GPC5: variants seen among roughly 807,000 people sequenced by gnomAD.
GPC5 encodes the protein glypican-5.
A neutral mutation model predicts 53.9 loss-of-function variants in GPC5; 47 were observed. That is an observed-to-expected ratio of 0.87 (90% CI 0.69 to 1.11). The LOEUF is 1.11. Ranked by LOEUF, GPC5 falls within the 50% of genes most tolerant of loss-of-function variation. The probability of loss-of-function intolerance (pLI) is 0.00; values close to 1 mark genes in which losing one functional copy is unlikely to be tolerated. For synonymous variants in GPC5, 286 were observed against 263.3 expected (o/e 1.09, Z -0.84); for missense variants, 748 against 713.1 (o/e 1.05, Z -0.56).
chr13:91,762,112 T>C (rs1250139259), intron 5 of GPC5, among the ~76,000 whole-genome samples: 2 of 152,224 alleles, frequency 1.3e-5, no homozygotes, highest in Admixed American at 6.5e-5. Context: ...TCTTGAATGC[T>C]TCTTTCATAA....
At chr13:91,944,388 G>T (rs2039956766) in intron 6 of GPC5, among the ~76,000 whole-genome samples, 1 of 152,012 alleles carries the variant, frequency 6.6e-6, no homozygotes, top group African/African-American at 2.4e-5. Flanking sequence ...GAGCCACCGC[G>T]CCCGGCCTGT....
chr13:92,158,051 A>G (rs2041958343), intron 7 of GPC5, among the ~76,000 whole-genome samples: 1 of 152,238 alleles, frequency 6.6e-6, no homozygotes, highest in Admixed American at 6.5e-5. Context: ...TTTCTTAAGA[A>G]TATCATCTTA....
intron 7 of GPC5, among the ~76,000 whole-genome samples, chr13:92,466,851 T>C (rs142192759): frequency 1.2e-4 from 18 of 152,196 alleles, no homozygotes; most frequent in African/African-American, 4.1e-4. Flanking sequence ...TGAGTGAATA[T>C]CAAACAATCC....
intron 7 of GPC5, among the ~76,000 whole-genome samples, chr13:92,521,835 C>G (rs542983383): frequency 1.3e-5 from 2 of 152,130 alleles, no homozygotes; most frequent in Admixed American, 6.5e-5. Context: ...TCAGAGTGAA[C>G]AGGCAACTTA....
At chr13:91,574,779 C>G (rs1488174555) in intron 2 of GPC5, among the ~76,000 whole-genome samples, 2 of 152,072 alleles carry the variant, frequency 1.3e-5, no homozygotes, top group Non-Finnish European at 1.5e-5. Context: ...GATTGAGTCT[C>G]TGGTGATTAA....
intron 7 of GPC5, among the ~76,000 whole-genome samples, chr13:92,800,224 G>A (rs1876848350): frequency 6.6e-6 from 1 of 151,690 alleles, no homozygotes; most frequent in African/African-American, 2.4e-5. Context: ...TCAATCACTG[G>A]TATTCATTAA....
At chr13:92,721,331 G>A (rs892811557) in intron 7 of GPC5, among the ~76,000 whole-genome samples, 3 of 151,998 alleles carry the variant, frequency 2.0e-5, no homozygotes, top group Non-Finnish European at 4.4e-5. Flanking sequence ...AAAAGGTAAT[G>A]TCTATTTCTA....
chr13:91,906,926 T>A, intron 5 of GPC5, among the ~76,000 whole-genome samples: 1 of 151,458 alleles, frequency 6.6e-6, no homozygotes, highest in East Asian at 1.9e-4. Context: ...AAAATTTGAT[T>A]ATTTAAATTT....
chr13:91,713,317 GC>G (rs1012548864), intron 3 of GPC5, among the ~76,000 whole-genome samples: 40 of 151,564 alleles, frequency 2.6e-4, no homozygotes, highest in Non-Finnish European at 4.3e-4. Context: ...GTAAGGAAGT[GC>G]CCCCCACCCC....
chr13:91,448,628 A>T, intron 1 of GPC5, 133 bp from the exon 2 acceptor site: 1 of 788,346 alleles, frequency 1.3e-6, no homozygotes, highest in East Asian at 2.7e-5. Context: ...AAACTTTCTT[A>T]TAGCAAGTAC....
chr13:91,907,503 T>TTATATATA (rs369447673), intron 5 of GPC5, among the ~76,000 whole-genome samples: 3,060 of 129,430 alleles, frequency 0.024, 98 homozygotes, highest in Admixed American at 0.06. Context: ...CTCTCTCTCT[T>TTATATATA]TATATATATA....
chr13:91,623,230 A>T (rs1236973266), intron 2 of GPC5, among the ~76,000 whole-genome samples: 1 of 152,168 alleles, frequency 6.6e-6, no homozygotes, highest in Non-Finnish European at 1.5e-5. Flanking sequence ...ATCTAGAGCT[A>T]AATGTACTAT....
chr13:92,037,856 G>A (rs570403780), intron 6 of GPC5, among the ~76,000 whole-genome samples: 57 of 152,180 alleles, frequency 3.7e-4, no homozygotes, highest in African/African-American at 1.3e-3. Flanking sequence ...GAAAAACTTT[G>A]GATTTTACTC....
At chr13:92,855,857 A>C (rs2138849792) in intron 7 of GPC5, among the ~76,000 whole-genome samples, 1 of 152,106 alleles carries the variant, frequency 6.6e-6, no homozygotes, top group South Asian at 2.1e-4. Flanking sequence ...AATCCGTAAT[A>C]AATTTTTAAA....
At chr13:91,492,662 A>G (rs1460262119) in intron 2 of GPC5, among the ~76,000 whole-genome samples, 1 of 152,230 alleles carries the variant, frequency 6.6e-6, no homozygotes, top group Non-Finnish European at 1.5e-5. Context: ...AAAATCTGCC[A>G]GAAATACCCT....
At chr13:92,610,742 G>A (rs1378744058) in intron 7 of GPC5, among the ~76,000 whole-genome samples, 1 of 152,088 alleles carries the variant, frequency 6.6e-6, no homozygotes, top group African/African-American at 2.4e-5. Flanking sequence ...AGGGGAAGCA[G>A]GCACTTTCCT....
intron 5 of GPC5, among the ~76,000 whole-genome samples, chr13:91,867,107 C>T (rs371064962): frequency 4.6e-5 from 7 of 152,090 alleles, no homozygotes; most frequent in Admixed American, 1.3e-4. Context: ...CCCAGCTAGT[C>T]GGGAGGCTGA....
chr13:92,102,859 GGTT>G (rs1480376129), intron 6 of GPC5, among the ~76,000 whole-genome samples: 1 of 152,086 alleles, frequency 6.6e-6, no homozygotes. Flanking sequence ...TTGTTGATGA[GGTT>G]GTTGTTTGTT....
chr13:91,498,981 A>AAG (rs371491277), intron 2 of GPC5, among the ~76,000 whole-genome samples: 1 of 151,418 alleles, frequency 6.6e-6, no homozygotes, highest in East Asian at 1.9e-4. Flanking sequence ...TCAAAAAAAA[A>AAG]GAAAAAAGGA....
Sources: allele counts gnomAD v4.1 joint callset (sites outside exome capture counted in the v4.1 genomes callset), GRCh38; gene constraint gnomAD v4.1.1; transcripts MANE v1.5; gene names NCBI Gene and HGNC (gene_info 2026-07-23, HGNC 2026-07-21).